ARHGAP44: variants seen among roughly 807,000 people sequenced by gnomAD.
ARHGAP44 encodes the protein Rho GTPase activating protein 44.
In ARHGAP44, 43 loss-of-function variants were observed where a neutral mutation model predicts 106.8. The ratio of observed to expected loss-of-function variants is 0.40; its 90% confidence interval spans 0.32 to 0.52. ARHGAP44 has a LOEUF of 0.52. Among genes scored for constraint, ARHGAP44 ranks in the 20% least tolerant of loss-of-function variants. The pLI, the probability that ARHGAP44 is intolerant of heterozygous loss-of-function variation, is 0.48. For missense variants in ARHGAP44, 866 were observed against 1,050.5 expected (o/e 0.82, Z 2.43); for synonymous variants, 439 against 410.3 (o/e 1.07, Z -0.85).
chr17:12,924,909 A>G (rs2038189173), intron 6 of ARHGAP44, among the ~76,000 whole-genome samples: 1 of 152,140 alleles, frequency 6.6e-6, no homozygotes, highest in Admixed American at 6.5e-5. Context: ...TGGAAGCCCT[A>G]CCTTCTTTGG....
chr17:12,910,735 T>G (rs987734514), intron 4 of ARHGAP44, among the ~76,000 whole-genome samples: 8 of 151,996 alleles, frequency 5.3e-5, no homozygotes, highest in African/African-American at 1.9e-4. Context: ...AGTGCTTATG[T>G]AGCATTTTAA....
intron 3 of ARHGAP44, among the ~76,000 whole-genome samples, chr17:12,899,542 G>A (rs1015324364): frequency 6.9e-6 from 1 of 144,136 alleles, no homozygotes; most frequent in African/African-American, 2.5e-5. Flanking sequence ...TAAGTAGGGA[G>A]ATATGTCAAG....
intron 17 of ARHGAP44, chr17:12,973,801 G>A (rs2143332278): frequency 1.8e-6 from 1 of 558,318 alleles, no homozygotes; most frequent in African/African-American, 1.9e-5. Context: ...TTTGGCAGAG[G>A]GTTGAAGCAC....
At chr17:12,956,052 A>C in intron 14 of ARHGAP44, 72 bp downstream of exon 14, 1 of 1,094,734 alleles carries the variant, frequency 9.1e-7, no homozygotes. Context: ...TGGGCAGGAC[A>C]GCTGGGGCCT....
At chr17:12,870,918 C>CT (rs1391949892) in intron 1 of ARHGAP44, among the ~76,000 whole-genome samples, 1 of 152,142 alleles carries the variant, frequency 6.6e-6, no homozygotes, top group Non-Finnish European at 1.5e-5. Context: ...CTCTTCTACT[C>CT]TTTTCTTTCC....
At chr17:12,937,836 C>T (rs2038590978) in intron 7 of ARHGAP44, among the ~76,000 whole-genome samples, 1 of 152,166 alleles carries the variant, frequency 6.6e-6, no homozygotes, top group South Asian at 2.1e-4. Flanking sequence ...CGTGGTGGCT[C>T]ACACCTGTAA....
chr17:12,947,621 T>G (rs2038888809), intron 10 of ARHGAP44, among the ~76,000 whole-genome samples: 1 of 152,216 alleles, frequency 6.6e-6, no homozygotes, highest in African/African-American at 2.4e-5. Flanking sequence ...AATCCCCTCC[T>G]CCACCTAGTT....
intron 16 of ARHGAP44, among the ~76,000 whole-genome samples, chr17:12,966,454 C>T (rs375773202): frequency 1.3e-5 from 2 of 152,132 alleles, no homozygotes; most frequent in African/African-American, 2.4e-5. Context: ...GGTGCTTCGT[C>T]GCTACTTACT....
intron 1 of ARHGAP44, chr17:12,790,819 A>AT (rs1470021864): frequency 6.6e-6 from 1 of 152,016 alleles, no homozygotes; most frequent in Admixed American, 6.6e-5. Context: ...GGTAGAAGGG[A>AT]TTTTTCCTGG....
chr17:12,838,562 C>T (rs921090565), intron 1 of ARHGAP44, among the ~76,000 whole-genome samples: 1 of 152,094 alleles, frequency 6.6e-6, no homozygotes, highest in South Asian at 2.1e-4. Flanking sequence ...AGTGCGGTGG[C>T]AGTGGAGGGA....
At chr17:12,847,518 T>TC (rs2035603517) in intron 1 of ARHGAP44, among the ~76,000 whole-genome samples, 1 of 147,778 alleles carries the variant, frequency 6.8e-6, no homozygotes, top group Non-Finnish European at 1.5e-5. Flanking sequence ...CACTCTTTTT[T>TC]TTTTTTTTTT....
Position 12,899,268 on chromosome 17 carries a change from C to A in ARHGAP44, c.198+2757C>A, listed in dbSNP as rs539059580. ...ACAGGTGTGAGCCACTGTGCCCAGC[C>A]TCACTGCATGGATTTTAAGTGCTTG... On this transcript the variant is annotated intron_variant, in intron 3 of 20. Coordinates refer to ENST00000379672, the MANE Select transcript of ARHGAP44 (RefSeq NM_014859.6). Among the ~76,000 whole-genome samples the A allele has an allele frequency of 1.1e-4, 17 of 152,270 alleles. 2 individuals carry two copies. The South Asian group carries it at 3.5e-3, about 32-fold the overall frequency.
chr17:12,920,797 CA>C (rs1213338662), intron 6 of ARHGAP44, among the ~76,000 whole-genome samples: 1 of 152,164 alleles, frequency 6.6e-6, no homozygotes, highest in Non-Finnish European at 1.5e-5. Flanking sequence ...AGAGAGCAGT[CA>C]AGTACCTGTA....
At chr17:12,952,130 T>C (rs894580790) in intron 12 of ARHGAP44, among the ~76,000 whole-genome samples, 2 of 152,186 alleles carry the variant, frequency 1.3e-5, no homozygotes, top group African/African-American at 2.4e-5. Context: ...GCCATTTACA[T>C]GATCTGTTTC....
chr17:12,985,007 G>A, intron 20 of ARHGAP44, 99 bp downstream of exon 20: 1 of 1,445,446 alleles, frequency 6.9e-7, no homozygotes, highest in Non-Finnish European at 9.2e-7. Flanking sequence ...ACACATTCCT[G>A]CGTGCTTTGG....
At chr17:12,825,446 TAG>T (rs529764166) in intron 1 of ARHGAP44, among the ~76,000 whole-genome samples, 1 of 148,742 alleles carries the variant, frequency 6.7e-6, no homozygotes, top group African/African-American at 2.5e-5. Context: ...GTGTGCATTA[TAG>T]AGAGAGAGAG....
chr17:12,808,707 AC>A (rs1302184914), intron 1 of ARHGAP44, among the ~76,000 whole-genome samples: 1 of 151,952 alleles, frequency 6.6e-6, no homozygotes, highest in Non-Finnish European at 1.5e-5. Context: ...TGTCATGAAG[AC>A]CTCTGATATG....
Position 12,789,712 on chromosome 17 carries a change from C to G in ARHGAP44, c.-127C>G. 1 of 826,392 alleles carries G rather than the reference C, an allele frequency of 1.2e-6. No homozygotes were observed. Among genetic ancestry groups the G allele is most frequent in the South Asian group, 3.7e-5 (1 of 27,032 alleles). The allele number at this position is 826,392 out of a possible 1,614,324, so 51.2% of individuals were successfully genotyped here. ...GAGCTGCGCGCGGGCCAGACGGCGC[C>G]CGGAGGCTCCGCAGTGCCGCCGCCG... On this transcript the variant is annotated 5_prime_UTR_variant, in exon 1 of 21. Coordinates refer to ENST00000379672, the MANE Select transcript of ARHGAP44 (RefSeq NM_014859.6).
chr17:12,790,493 A>C (rs966953301), intron 1 of ARHGAP44: 1 of 152,712 alleles, frequency 6.5e-6, no homozygotes, highest in Non-Finnish European at 1.5e-5. Flanking sequence ...GTGCTGGTGG[A>C]ATGGCGTTGC....
Sources: allele counts gnomAD v4.1 joint callset (sites outside exome capture counted in the v4.1 genomes callset), GRCh38; gene constraint gnomAD v4.1.1; transcripts MANE v1.5; gene names NCBI Gene and HGNC (gene_info 2026-07-23, HGNC 2026-07-21).